Variants in TKT observed in about 807,000 individuals in gnomAD.
TKT encodes epididymis luminal protein 107.
Under a neutral mutation model 63.9 loss-of-function variants are expected in TKT, and 47 were observed. The ratio of observed to expected loss-of-function variants is 0.74; its 90% CI spans 0.58 to 0.94. TKT has a LOEUF of 0.94. Ranked by LOEUF, TKT falls within the 40% of genes least tolerant of loss-of-function variation. The pLI is 0.00. For missense variants in TKT, 721 were observed against 846.2 expected (o/e 0.85, Z 1.84); for synonymous variants, 338 against 334.1 (o/e 1.01, Z -0.13).
chr3:53,228,788 A>C (rs1704613508), intron 10 of TKT: 2 of 662,580 alleles, frequency 3.0e-6, no homozygotes, highest in South Asian at 1.9e-5. Context: ...GATTCTCAGC[A>C]GAGACAGACT....
chr3:53,243,431 C>G lies in TKT; in HGVS notation c.108-1189G>C, dbSNP rs138850906. ...GGGCACATGCACCATCTGGAGCTCA[C>G]GCCGCCAGCCTCCCGCCCCTCCAAT... On this transcript the variant is annotated intron_variant, in intron 1 of 13. Transcript: ENST00000462138. Among the ~76,000 whole-genome samples the G allele has an allele frequency of 6.4e-3, 981 of 152,224 alleles. 10 individuals are homozygous for G. Among genetic ancestry groups the G allele is most frequent in the African/African-American group, 0.022 (912 of 41,540 alleles).
chr3:53,231,033 G>C lies in TKT; in HGVS notation c.942+324C>G, dbSNP rs548950250. On this transcript the variant is annotated intron_variant, in intron 7 of 13. Transcript: ENST00000462138. ...CCTAGCCTTTCCCAGGTCAGGTGGG[G>C]GTCCTGAGCTCAGGCCAAGGGTCCC... Among the ~76,000 whole-genome samples, 5 of 152,326 alleles carry C rather than the reference G, an allele frequency of 3.3e-5. No individual in the cohort carries two copies. In the South Asian group the frequency reaches 1.0e-3, roughly 32 times the overall value.
At chr3:53,231,060 C>T (rs1020013235) in intron 7 of TKT, among the ~76,000 whole-genome samples, 2 of 152,200 alleles carry the variant, frequency 1.3e-5, no homozygotes, top group East Asian at 3.8e-4. Context: ...AAGGGTCCCT[C>T]GTGGACCAGC....
In TKT at chr3:53,255,817, G is replaced by A; in HGVS notation, c.107+19C>T. The A allele has an allele frequency of 6.8e-7, 1 of 1,466,674 alleles. No homozygotes were observed. Among genetic ancestry groups the A allele is most frequent in the Non-Finnish European group, 9.1e-7 (1 of 1,104,612 alleles). 90.9% of individuals were successfully genotyped at this position (1,466,674 alleles called of 1,614,324 possible). ...CCGCCCCGCCCGAGCCGCGTCCCCG[G>A]CCGGCGCCGCGCACTCACCCAGAGC... On this transcript the variant is annotated intron_variant, in intron 1 of 13. Coordinates refer to ENST00000462138, the MANE Select transcript of TKT (RefSeq NM_001064.4).
At chr3:53,234,923 T>C in intron 5 of TKT, 60 bp downstream of exon 5, 1 of 1,514,560 alleles carries the variant, frequency 6.6e-7, no homozygotes, top group Non-Finnish European at 8.9e-7. Context: ...CCTGCAAAGC[T>C]GTGATCACAG....
At chr3:53,245,990 G>A (rs1049097236) in intron 1 of TKT, among the ~76,000 whole-genome samples, 16 of 151,954 alleles carry the variant, frequency 1.1e-4, no homozygotes, top group African/African-American at 1.2e-4. Context: ...CAAACAGGCC[G>A]GGCACAGTGG....
Position 53,225,672 on chromosome 3 carries a change from TA to T in TKT, c.*83del. The T allele has an allele frequency of 7.2e-7, 1 of 1,397,420 alleles. No homozygotes were observed. The allele number at this position is 1,397,420 out of a possible 1,614,324, so 86.6% of individuals were successfully genotyped here. On this transcript the variant is annotated 3_prime_UTR_variant, in exon 14 of 14. Coordinates refer to ENST00000462138, the MANE Select transcript of TKT (RefSeq NM_001064.4). ...ATTCATTTTTCTCAAAACATATATTTACCCCTCCTCTCAGTACATCTTTGAG... is the reference window on the plus strand; with the variant it reads ...ATTCATTTTTCTCAAAACATATATTTCCCCTCCTCTCAGTACATCTTTGAG...
In TKT at chr3:53,241,186, C is replaced by T. The variant is rs140341715; in HGVS notation, c.285G>A (p.Ala95=). The change falls in exon 3 of 14, where the codon GCG becomes GCA. Residue 95 remains alanine (A), a synonymous_variant. Transcript: ENST00000462138. The part of the protein sequence containing the change: ...VWAEAGFLAE[A]ELLNLRKISS... ...TGATCTTCCTCAGGTTCAGCAGCTC[C>T]GCCTCGGCCAGGAAACCAGCTTCAG... The T allele has an allele frequency of 2.3e-5, 37 of 1,596,762 alleles. No homozygotes were observed. The African/African-American group carries it at 2.9e-4, about 12-fold the overall frequency.
chr3:53,242,725 C>T (rs1553680174), intron 1 of TKT, among the ~76,000 whole-genome samples: 1 of 152,108 alleles, frequency 6.6e-6, no homozygotes, highest in Non-Finnish European at 1.5e-5. Flanking sequence ...CAGGACTGCC[C>T]GGACACTGCC....
chr3:53,235,931 G>A (rs997329408), intron 4 of TKT, among the ~76,000 whole-genome samples: 2 of 32,422 alleles, frequency 6.2e-5, no homozygotes, highest in Non-Finnish European at 1.9e-4. Context: ...CCAGCAAACA[G>A]AACGTTCCCG....
chr3:53,232,978 A>G, intron 6 of TKT, 178 bp downstream of exon 6: 1 of 594,488 alleles, frequency 1.7e-6, no homozygotes, highest in Non-Finnish European at 3.0e-6. Flanking sequence ...ATCTGAGTTT[A>G]AATCCTGGCT....
intron 1 of TKT, among the ~76,000 whole-genome samples, chr3:53,255,402 G>A (rs1372193158): frequency 6.6e-6 from 1 of 152,238 alleles, no homozygotes; most frequent in Non-Finnish European, 1.5e-5. Flanking sequence ...CATCTGGAAG[G>A]GGGAACACTC....
intron 1 of TKT, among the ~76,000 whole-genome samples, chr3:53,248,141 T>C (rs1705595557): frequency 6.6e-6 from 1 of 152,210 alleles, no homozygotes; most frequent in Admixed American, 6.5e-5. Context: ...CGTGGCACCA[T>C]GCATAGAAAT....
rs148678670 is a variant in TKT, at chr3:53,230,563, C to T, written c.1001G>A (p.Arg334His). 311 of 1,614,234 alleles carry T rather than the reference C, an allele frequency of 1.9e-4. 1 individual carries two copies. The East Asian group carries it at 6.3e-3, about 32-fold the overall frequency. ...GGTGTCCCCATCCAGGGCGATGATG[C>T]GGTCACTGGCATGGCCCAGCTTGGC... ...ALAKLGHASDRIIALDGDTKN... is the reference protein window; with the variant it reads ...ALAKLGHASDHIIALDGDTKN... The change falls in exon 8 of 14, where the codon CGC becomes CAC. Residue 334 changes from arginine to histidine, a missense_variant. By Grantham distance (29) the Arg-to-His change is conservative (BLOSUM62 0). Transcript: ENST00000462138.
At chr3:53,231,577 G>A (rs1420665642) in intron 6 of TKT, 27 bp from the exon 7 acceptor site, 3 of 1,603,434 alleles carry the variant, frequency 1.9e-6, no homozygotes, top group African/African-American at 1.3e-5. Context: ...GGAGGACAGA[G>A]GAATGGGTAA....
At chr3:53,229,838 TG>T (rs1553676588) in intron 8 of TKT, among the ~76,000 whole-genome samples, 1 of 152,036 alleles carries the variant, frequency 6.6e-6, no homozygotes, top group African/African-American at 2.4e-5. Context: ...CAGGTCCAGT[TG>T]GAAGAACTCT....
intron 1 of TKT, among the ~76,000 whole-genome samples, chr3:53,244,896 A>AC (rs1705440335): frequency 6.6e-6 from 1 of 151,928 alleles, no homozygotes. Flanking sequence ...AAAAAAAAAA[A>AC]AAAAAAACTA....
intron 1 of TKT, 57 bp from the exon 2 acceptor site, chr3:53,242,299 T>C: frequency 3.9e-6 from 6 of 1,538,870 alleles, no homozygotes; most frequent in Non-Finnish European, 5.4e-6. Context: ...TCCTGAGCTA[T>C]TGTGCTCAGC....
At chr3:53,255,108 G>C (rs1705926996) in intron 1 of TKT, among the ~76,000 whole-genome samples, 1 of 152,208 alleles carries the variant, frequency 6.6e-6, no homozygotes, top group Non-Finnish European at 1.5e-5. Flanking sequence ...ATGGATCCCA[G>C]GGTTCTGCAC....
Sources: allele counts gnomAD v4.1 joint callset (sites outside exome capture counted in the v4.1 genomes callset), GRCh38; gene constraint gnomAD v4.1.1; transcripts MANE v1.5; gene names NCBI Gene and HGNC (gene_info 2026-07-23, HGNC 2026-07-21).